The following CNTN5 variants were observed in gnomAD, a reference collection of about 807,000 sequenced individuals.
The protein encoded by CNTN5 is contactin 5.
In CNTN5, 77 loss-of-function variants were observed where a neutral mutation model predicts 129.1. The ratio of observed to expected loss-of-function variants is 0.60; its 90% confidence interval spans 0.50 to 0.72. CNTN5 has a LOEUF of 0.72. Among genes scored for constraint, CNTN5 ranks in the 30% least tolerant of loss-of-function variants. The probability of loss-of-function intolerance (pLI) is 0.00; values close to 1 mark genes in which losing one functional copy is unlikely to be tolerated. For synonymous variants in CNTN5, 509 were observed against 465.6 expected (o/e 1.09, Z -1.20); for missense variants, 1,478 against 1,328.8 (o/e 1.11, Z -1.75).
intron 15 of CNTN5, among the ~76,000 whole-genome samples, chr11:100,217,953 T>A (rs924506463): frequency 2.6e-5 from 4 of 152,188 alleles, no homozygotes; most frequent in Non-Finnish European, 4.4e-5. Flanking sequence ...AAAGTGAGGT[T>A]GAGAGTCCCA....
intron 2 of CNTN5, among the ~76,000 whole-genome samples, chr11:99,509,645 C>T (rs1256603475): frequency 6.6e-6 from 1 of 151,248 alleles, no homozygotes; most frequent in Non-Finnish European, 1.5e-5. Context: ...GTATGATGTC[C>T]CAGAGGTTTT....
chr11:100,118,220 T>C (rs980298295), intron 13 of CNTN5, among the ~76,000 whole-genome samples: 1 of 151,896 alleles, frequency 6.6e-6, no homozygotes, highest in African/African-American at 2.4e-5. Flanking sequence ...TACTTTTTAA[T>C]AACATTTCTG....
chr11:99,646,294 A>T (rs930999645), intron 3 of CNTN5, among the ~76,000 whole-genome samples: 4 of 152,240 alleles, frequency 2.6e-5, no homozygotes, highest in African/African-American at 4.8e-5. Context: ...GAAGGATTAC[A>T]TCTACCCTAA....
At chr11:100,041,862 C>A (rs759885836) in intron 9 of CNTN5, among the ~76,000 whole-genome samples, 1 of 152,174 alleles carries the variant, frequency 6.6e-6, no homozygotes, top group Non-Finnish European at 1.5e-5. Context: ...GCTATATATT[C>A]TGAACCACAT....
intron 1 of CNTN5, among the ~76,000 whole-genome samples, chr11:99,079,945 C>T (rs1047522859): frequency 6.6e-6 from 1 of 152,182 alleles, no homozygotes; most frequent in Non-Finnish European, 1.5e-5. Context: ...TTATTTATAT[C>T]TGTTTTCTCT....
chr11:99,844,692 A>T (rs1947625287), intron 4 of CNTN5, 160 bp from the exon 5 acceptor site: 1 of 642,320 alleles, frequency 1.6e-6, no homozygotes, highest in South Asian at 2.1e-5. Context: ...CAATTTAATA[A>T]AACAATGCAG....
At chr11:99,822,901 TC>T (rs1946845067) in intron 4 of CNTN5, among the ~76,000 whole-genome samples, 1 of 152,226 alleles carries the variant, frequency 6.6e-6, no homozygotes. Flanking sequence ...ATCTTGTTTG[TC>T]TTTTTTGCTT....
At chr11:99,480,755 T>C (rs763219709) in intron 2 of CNTN5, among the ~76,000 whole-genome samples, 3 of 152,164 alleles carry the variant, frequency 2.0e-5, no homozygotes, top group Non-Finnish European at 2.9e-5. Flanking sequence ...CCCTAGTGTC[T>C]ATCCAACTCA....
chr11:99,542,829 G>T (rs1012247875), intron 2 of CNTN5, among the ~76,000 whole-genome samples: 2 of 152,200 alleles, frequency 1.3e-5, no homozygotes, highest in East Asian at 1.9e-4. Context: ...AAATCACATG[G>T]CCCAAGCTAA....
intron 3 of CNTN5, among the ~76,000 whole-genome samples, chr11:99,602,351 G>T (rs1282991499): frequency 1.3e-5 from 2 of 152,086 alleles, no homozygotes; most frequent in African/African-American, 4.8e-5. Flanking sequence ...AATAGTACTT[G>T]TTAACTTAGT....
intron 8 of CNTN5, among the ~76,000 whole-genome samples, chr11:99,983,826 G>A (rs1157143923): frequency 2.0e-5 from 3 of 152,146 alleles, no homozygotes; most frequent in African/African-American, 7.2e-5. Flanking sequence ...AATTAGGAAG[G>A]CATCAGAAAC....
chr11:99,275,369 ATAAT>A (rs1038987089), intron 1 of CNTN5, among the ~76,000 whole-genome samples: 9 of 151,584 alleles, frequency 5.9e-5, no homozygotes, highest in African/African-American at 1.9e-4. Context: ...CTTTTATACT[ATAAT>A]TAAATTATAT....
At chr11:99,028,889 T>C (rs1863227668) in intron 1 of CNTN5, among the ~76,000 whole-genome samples, 1 of 151,824 alleles carries the variant, frequency 6.6e-6, no homozygotes, top group Admixed American at 6.6e-5. Flanking sequence ...TTCCAAATAG[T>C]AATAGTAGTA....
At chr11:100,207,342 G>C (rs1002073590) in intron 15 of CNTN5, among the ~76,000 whole-genome samples, 6 of 152,172 alleles carry the variant, frequency 3.9e-5, no homozygotes, top group African/African-American at 1.4e-4. Flanking sequence ...ATAAGCTAAG[G>C]TAATAATCTG....
At chr11:99,932,559 G>T (rs1310810344) in intron 7 of CNTN5, among the ~76,000 whole-genome samples, 1 of 152,030 alleles carries the variant, frequency 6.6e-6, no homozygotes, top group Non-Finnish European at 1.5e-5. Flanking sequence ...TATTTCTTGG[G>T]CTCTAGGGTC....
chr11:100,224,981 ACTC>A (rs1234559078), intron 16 of CNTN5, 169 bp downstream of exon 16: 3 of 570,014 alleles, frequency 5.3e-6, no homozygotes, highest in Non-Finnish European at 8.4e-6. Flanking sequence ...TACATGGAAA[ACTC>A]CTCCTTAGTA....
rs116641780 is a variant in CNTN5, at chr11:99,379,679, A to G, written c.-71+54195A>G. Among the ~76,000 whole-genome samples the G allele has an allele frequency of 3.4e-3, 518 of 152,308 alleles. 3 individuals are homozygous for G. The highest frequency in any genetic ancestry group is 0.011 in the African/African-American group (476 of 41,570). ...TAGAAAAAAATATGTGTATTGTTAT[A>G]TATATACACACATGCATATATGTGT... On this transcript the variant is annotated intron_variant, in intron 2 of 24. Coordinates refer to ENST00000524871, the MANE Select transcript of CNTN5 (RefSeq NM_014361.4).
At chr11:99,675,276 G>T (rs11603513) in intron 3 of CNTN5, among the ~76,000 whole-genome samples, 1 of 152,052 alleles carries the variant, frequency 6.6e-6, no homozygotes, top group Non-Finnish European at 1.5e-5. Flanking sequence ...TACTGGGTGA[G>T]GGAATGGATT....
intron 1 of CNTN5, among the ~76,000 whole-genome samples, chr11:99,107,422 G>A (rs1344345635): frequency 6.6e-6 from 1 of 151,758 alleles, no homozygotes; most frequent in Non-Finnish European, 1.5e-5. Context: ...TATGTTCTTG[G>A]TACTGCCTTT....
Sources: allele counts gnomAD v4.1 joint callset (sites outside exome capture counted in the v4.1 genomes callset), GRCh38; gene constraint gnomAD v4.1.1; transcripts MANE v1.5; gene names NCBI Gene and HGNC (gene_info 2026-07-23, HGNC 2026-07-21).